Variants in USH2A observed in about 807,000 individuals in gnomAD.
USH2A encodes usherin.
In USH2A, 443 loss-of-function variants were observed where a neutral mutation model predicts 538.9. The observed-to-expected ratio is 0.82, with a 90% CI of 0.76 to 0.89. The LOEUF (loss-of-function observed/expected upper bound fraction) is 0.89. Among genes scored for constraint, USH2A ranks in the 40% least tolerant of loss-of-function variants. USH2A has a pLI of 0.00. For missense variants in USH2A, 6,633 were observed against 6,324.8 expected (o/e 1.05, Z -1.65); for synonymous variants, 2,413 against 2,273.5 (o/e 1.06, Z -1.75).
At chr1:215,707,872 T>C (rs1014838551) in intron 61 of USH2A, among the ~76,000 whole-genome samples, 1 of 152,106 alleles carries the variant, frequency 6.6e-6, no homozygotes, top group Non-Finnish European at 1.5e-5. Flanking sequence ...TGGGTTTAGG[T>C]GGTCACAAAA....
At position 216,289,360 on chromosome 1, in the gene USH2A, C is replaced by T. The variant is rs552400144; in HGVS notation, c.1891G>A (p.Asp631Asn). Reference protein sequence around the residue: ...KDYFFRQVGADPSAIDVCKPC... With the variant: ...KDYFFRQVGANPSAIDVCKPC... The stretch of plus-strand genomic sequence containing the variant: ...TTGCAAACATCTATGGCCGAAGGAT[C>T]TGCACCAACTTGTCGGAAAAAGTAA... The change falls in exon 11 of 72, where the codon GAT becomes AAT. Residue 631 changes from aspartate to asparagine, a missense_variant. Physicochemically the swap from Asp to Asn is conservative, Grantham distance 23. Coordinates refer to ENST00000307340, the MANE Select transcript of USH2A (RefSeq NM_206933.4). The T allele has an allele frequency of 7.7e-5, 124 of 1,614,014 alleles. 2 individuals carry two copies. The South Asian group carries it at 1.2e-3, about 16-fold the overall frequency.
chr1:215,764,693 G>A (rs941383798), intron 56 of USH2A, among the ~76,000 whole-genome samples: 11 of 152,032 alleles, frequency 7.2e-5, no homozygotes, highest in African/African-American at 2.7e-4. Flanking sequence ...TATATCTGAT[G>A]TACTTCGAAA....
intron 50 of USH2A, among the ~76,000 whole-genome samples, chr1:215,793,177 A>G (rs1571691888): frequency 6.6e-6 from 1 of 152,328 alleles, no homozygotes; most frequent in East Asian, 1.9e-4. Context: ...TATCTGTTGG[A>G]TGAATTTCTA....
At position 215,643,704 on chromosome 1, in the gene USH2A, A is replaced by T. The variant is rs188078353; in HGVS notation, c.14792-2970T>A. Among the ~76,000 whole-genome samples, 469 of 151,864 alleles carry T rather than the reference A, an allele frequency of 3.1e-3. 1 individual carries two copies. Among genetic ancestry groups the T allele is most frequent in the African/African-American group, 9.9e-3 (410 of 41,370 alleles). On this transcript the variant is annotated intron_variant, in intron 67 of 71. Coordinates refer to ENST00000307340, the MANE Select transcript of USH2A (RefSeq NM_206933.4). The stretch of plus-strand genomic sequence containing the variant: ...CCATACCTGGCTATTTAAAAAAAAA[A>T]TTTTTGTAGAGATAGGTGTCTTGAT...
chr1:216,002,776 G>A (rs992807051), intron 32 of USH2A, among the ~76,000 whole-genome samples: 1 of 152,172 alleles, frequency 6.6e-6, no homozygotes, highest in South Asian at 2.1e-4. Context: ...TGGTGAAGAA[G>A]TTACTCCATT....
intron 61 of USH2A, among the ~76,000 whole-genome samples, chr1:215,683,251 A>ACG (rs965727168): frequency 1.1e-3 from 13 of 11,892 alleles, no homozygotes; most frequent in Admixed American, 2.3e-3. Flanking sequence ...ACACACACAC[A>ACG]CACGCACACA....
At chr1:216,108,555 G>A (rs1484436594) in intron 21 of USH2A, among the ~76,000 whole-genome samples, 1 of 151,670 alleles carries the variant, frequency 6.6e-6, no homozygotes, top group African/African-American at 2.4e-5. Context: ...ATATTTTTCT[G>A]CCTATTTCTT....
chr1:216,341,583 T>C (rs950272862), intron 4 of USH2A, among the ~76,000 whole-genome samples: 2 of 152,148 alleles, frequency 1.3e-5, no homozygotes, highest in Non-Finnish European at 2.9e-5. Flanking sequence ...TCATGCTACC[T>C]GTCTTCAAAC....
At chr1:216,043,651 C>T (rs1325972413) in intron 32 of USH2A, among the ~76,000 whole-genome samples, 1 of 152,118 alleles carries the variant, frequency 6.6e-6, no homozygotes, top group Non-Finnish European at 1.5e-5. Flanking sequence ...ATAATTCAAA[C>T]AAACAAAATA....
intron 20 of USH2A, among the ~76,000 whole-genome samples, chr1:216,186,222 A>AT (rs1332418379): frequency 6.6e-6 from 1 of 151,096 alleles, no homozygotes; most frequent in Non-Finnish European, 1.5e-5. Flanking sequence ...TTAGCAAAGA[A>AT]TAAAAAAAAA....
At chr1:215,823,748 C>T (rs537685073) in intron 47 of USH2A, among the ~76,000 whole-genome samples, 1 of 151,918 alleles carries the variant, frequency 6.6e-6, no homozygotes, top group Admixed American at 6.6e-5. Context: ...TTTATCCCCA[C>T]CTCTCTGTAT....
Position 215,934,608 on chromosome 1 carries a change from A to G in USH2A, c.7300+8T>C. On this transcript the variant is annotated splice_region_variant and intron_variant, in intron 38 of 71. Transcript: ENST00000307340. Reference sequence around the variant, plus strand: ...AAAATTAGATAGCCAACATTTGCATAGACTTACCTCCTGGAGGCATTGCAA... The same window carrying G: ...AAAATTAGATAGCCAACATTTGCATGGACTTACCTCCTGGAGGCATTGCAA... 2 of 1,611,262 alleles carry G rather than the reference A, an allele frequency of 1.2e-6. No homozygotes were observed. Among genetic ancestry groups the G allele is most frequent in the Non-Finnish European group, 1.7e-6 (2 of 1,178,132 alleles).
At chr1:216,142,679 A>G (rs1399979595) in intron 21 of USH2A, among the ~76,000 whole-genome samples, 2 of 152,206 alleles carry the variant, frequency 1.3e-5, no homozygotes, top group Non-Finnish European at 1.5e-5. Flanking sequence ...TATATGTGAA[A>G]GTATTTTGAA....
intron 61 of USH2A, among the ~76,000 whole-genome samples, chr1:215,689,506 G>T (rs149072324): frequency 6.6e-6 from 1 of 152,340 alleles, no homozygotes; most frequent in East Asian, 1.9e-4. Flanking sequence ...CCCCCTGAGT[G>T]CAGTCAGGGC....
intron 3 of USH2A, among the ~76,000 whole-genome samples, chr1:216,407,942 G>A (rs1437479537): frequency 6.6e-6 from 1 of 151,416 alleles, no homozygotes. Context: ...AAAAAAATCA[G>A]TGGACATTGG....
intron 37 of USH2A, among the ~76,000 whole-genome samples, chr1:215,961,111 A>G (rs1011533251): frequency 2.0e-5 from 3 of 152,052 alleles, no homozygotes; most frequent in African/African-American, 7.2e-5. Context: ...AGCAGCAAAA[A>G]AACTTCAAAT....
At chr1:215,701,768 T>A (rs1449951309) in intron 61 of USH2A, among the ~76,000 whole-genome samples, 1 of 152,238 alleles carries the variant, frequency 6.6e-6, no homozygotes, top group African/African-American at 2.4e-5. Flanking sequence ...TGTCTCTTTA[T>A]CCAATTTGCC....
At chr1:216,174,270 A>G in intron 21 of USH2A, 1 of 982,752 alleles carries the variant, frequency 1.0e-6, no homozygotes, top group Non-Finnish European at 1.2e-6. Context: ...ATGGATGATT[A>G]AATGAACATC....
chr1:215,733,872 C>T (rs887787538), intron 60 of USH2A, among the ~76,000 whole-genome samples: 1 of 152,204 alleles, frequency 6.6e-6, no homozygotes, highest in Non-Finnish European at 1.5e-5. Flanking sequence ...CCTGTGGCTG[C>T]TCTCATATAT....
Sources: gnomAD v4.1 joint callset for allele counts (sites outside exome capture counted in the v4.1 genomes callset) on GRCh38, gnomAD v4.1.1 for gene constraint, MANE v1.5 for transcripts, NCBI Gene and HGNC (gene_info 2026-07-23, HGNC 2026-07-21) for gene names.